Variants in LARGE1 observed in about 807,000 individuals in gnomAD.
LARGE1 encodes the protein LARGE xylosyl- and glucuronyltransferase 1, also known as xylosyl- and glucuronyltransferase LARGE1.
Under a neutral mutation model 87.6 loss-of-function variants are expected in LARGE1, and 43 were observed. The ratio of observed to expected loss-of-function variants is 0.49; its 90% confidence interval spans 0.38 to 0.63. LARGE1 has a LOEUF of 0.63. LARGE1 is among the 30% of genes least tolerant of loss of function. LARGE1 has a pLI of 0.00. For synonymous variants in LARGE1, 434 were observed against 394.6 expected (o/e 1.10, Z -1.18); for missense variants, 802 against 1,000.2 (o/e 0.80, Z 2.67).
At chr22:33,105,654 C>T in the LARGE1 span, 2 of 152,140 alleles carry the variant, frequency 1.3e-5, no homozygotes, top group African/African-American at 4.8e-5. Context: ...CTGAGTCAGA[C>T]CCTCAGAGTG....
intron 2 of LARGE1, among the ~76,000 whole-genome samples, chr22:33,682,646 A>G (rs1166430420): frequency 2.6e-5 from 4 of 152,226 alleles, no homozygotes; most frequent in East Asian, 1.9e-4. Context: ...CTCTTGGGAA[A>G]TAGTAGGTAC....
the LARGE1 span, among the ~76,000 whole-genome samples, chr22:33,084,337 G>A: frequency 6.6e-6 from 1 of 152,064 alleles, no homozygotes; most frequent in African/African-American, 2.4e-5. Flanking sequence ...TCTTATTGAT[G>A]TCTATACCCT....
chr22:33,822,361 G>A (rs1238945692), intron 1 of LARGE1, among the ~76,000 whole-genome samples: 1 of 152,146 alleles, frequency 6.6e-6, no homozygotes, highest in Admixed American at 6.6e-5. Context: ...CTGTTGTGCT[G>A]ATCTCCCATA....
chr22:33,128,682 A>AAAC, the LARGE1 span, among the ~76,000 whole-genome samples: 57 of 49,232 alleles, frequency 1.2e-3, 1 homozygote, highest in Middle Eastern at 8.1e-3. Flanking sequence ...CTCAAAAACA[A>AAAC]AAAAAAAAAA....
At chr22:33,816,610 A>T (rs1396541272) in intron 1 of LARGE1, among the ~76,000 whole-genome samples, 2 of 151,970 alleles carry the variant, frequency 1.3e-5, no homozygotes, top group East Asian at 3.9e-4. Flanking sequence ...AAACATTCAG[A>T]CCATAGCAGG....
At chr22:33,891,769 C>G (rs1424574940) in intron 1 of LARGE1, among the ~76,000 whole-genome samples, 1 of 152,192 alleles carries the variant, frequency 6.6e-6, no homozygotes, top group Non-Finnish European at 1.5e-5. Context: ...CTGACAGCAG[C>G]GTAGCTTTAA....
chr22:33,348,723 T>G (rs1400703113), intron 9 of LARGE1, among the ~76,000 whole-genome samples: 2 of 152,032 alleles, frequency 1.3e-5, no homozygotes, highest in African/African-American at 2.4e-5. Flanking sequence ...TTTGTTTTTT[T>G]TTTTGGCTCA....
At chr22:33,574,309 C>A (rs1329905516) in intron 5 of LARGE1, among the ~76,000 whole-genome samples, 2 of 152,154 alleles carry the variant, frequency 1.3e-5, no homozygotes, top group Non-Finnish European at 2.9e-5. Context: ...ATAACCTATG[C>A]ACATCCTCCT....
chr22:33,299,649 GC>G (rs1933876601), intron 12 of LARGE1, among the ~76,000 whole-genome samples: 2 of 152,106 alleles, frequency 1.3e-5, no homozygotes, highest in African/African-American at 4.8e-5. Context: ...CTCCTGCTGG[GC>G]ACCCGCCATA....
chr22:33,809,420 C>T (rs1715929123), intron 1 of LARGE1, among the ~76,000 whole-genome samples: 1 of 152,194 alleles, frequency 6.6e-6, no homozygotes, highest in Admixed American at 6.5e-5. Context: ...CCTGTTTTGA[C>T]CAGCACTGGT....
intron 1 of LARGE1, among the ~76,000 whole-genome samples, chr22:33,850,479 A>G (rs750269334): frequency 4.6e-5 from 7 of 152,186 alleles, no homozygotes; most frequent in Non-Finnish European, 1.0e-4. Flanking sequence ...AAGAAGGATA[A>G]CAATGAATTT....
intron 2 of LARGE1, among the ~76,000 whole-genome samples, chr22:33,677,967 A>T (rs2081632598): frequency 6.6e-6 from 1 of 152,194 alleles, no homozygotes; most frequent in African/African-American, 2.4e-5. Flanking sequence ...TGAGCACACA[A>T]CTCAATGTGT....
chr22:33,071,615 C>A, the LARGE1 span, among the ~76,000 whole-genome samples: 1 of 152,072 alleles, frequency 6.6e-6, no homozygotes, highest in Non-Finnish European at 1.5e-5. Context: ...CACATGGAGC[C>A]CCTGTTCTCA....
chr22:33,143,781 A>C, the LARGE1 span, among the ~76,000 whole-genome samples: 7 of 152,196 alleles, frequency 4.6e-5, no homozygotes, highest in Non-Finnish European at 1.0e-4. Flanking sequence ...ATATCAAATC[A>C]TTCACATTAA....
chr22:33,382,204 T>C (rs556554749), intron 8 of LARGE1, among the ~76,000 whole-genome samples, 160 bp from the exon 9 acceptor site: 27 of 152,150 alleles, frequency 1.8e-4, no homozygotes, highest in African/African-American at 5.8e-4. Context: ...TTGCCTGTTA[T>C]CTCTAGGAAC....
intron 6 of LARGE1, among the ~76,000 whole-genome samples, chr22:33,516,839 C>T (rs1456826143): frequency 6.6e-6 from 1 of 152,146 alleles, no homozygotes; most frequent in Non-Finnish European, 1.5e-5. Context: ...CCACCTCGGC[C>T]TCCCAAAGTG....
intron 6 of LARGE1, among the ~76,000 whole-genome samples, chr22:33,486,422 G>A (rs906372833): frequency 6.6e-6 from 1 of 152,154 alleles, no homozygotes; most frequent in African/African-American, 2.4e-5. Context: ...TTATCAATTG[G>A]CTAATCAGCA....
intron 12 of LARGE1, among the ~76,000 whole-genome samples, chr22:33,290,944 C>T (rs1360466955): frequency 6.6e-6 from 1 of 151,838 alleles, no homozygotes; most frequent in Non-Finnish European, 1.5e-5. Context: ...GAGGCTGAGG[C>T]AGGAGAATCG....
At chr22:33,122,360 T>C in the LARGE1 span, among the ~76,000 whole-genome samples, 61 of 95,086 alleles carry the variant, frequency 6.4e-4, no homozygotes, top group Admixed American at 5.5e-3. Flanking sequence ...TTTCTTTTTC[T>C]TTTTTTTTTT....
Sources: allele counts gnomAD v4.1 joint callset (sites outside exome capture counted in the v4.1 genomes callset), GRCh38; gene constraint gnomAD v4.1.1; transcripts MANE v1.5; gene names NCBI Gene and HGNC (gene_info 2026-07-23, HGNC 2026-07-21).